RFPL1: variants seen among roughly 807,000 people sequenced by gnomAD.
RFPL1 encodes the protein ret finger protein-like 1.
A neutral mutation model predicts 9.6 loss-of-function variants in RFPL1; 6 were observed. The observed-to-expected ratio is 0.62, with a 90% CI of 0.34 to 1.23. The LOEUF (loss-of-function observed/expected upper bound fraction) is 1.23, where lower values mean the gene tolerates loss of function less well. RFPL1 is among the 50% of genes most tolerant of loss of function. RFPL1 has a pLI of 0.03. For synonymous variants in RFPL1, 145 were observed against 149.4 expected, an observed-to-expected ratio of 0.97 and a Z score of 0.22; for missense variants, 352 against 398.4, an observed-to-expected ratio of 0.88 and a Z score of 0.99.
chr22:29,439,064 G>A, exon 1 of RFPL1: 3 of 1,614,078 alleles, frequency 1.9e-6, no homozygotes, highest in Non-Finnish European at 2.5e-6. Context: ...ACAAAATCAG[G>A]CCCAGTTGGC....
chr22:29,406,120 AAAAAAAAAAAAAAAAAAAAAAAAAAAT>A, the RFPL1 span, among the ~76,000 whole-genome samples: 6 of 35,878 alleles, frequency 1.7e-4, no homozygotes, highest in Non-Finnish European at 1.4e-4. Flanking sequence ...CTTCTCAAAA[AAAAAAAAAAAAAAAAAAAAAAAAAAAT>A]AAAAAAAAAG....
chr22:29,429,359 G>A, the RFPL1 span, among the ~76,000 whole-genome samples: 1 of 152,120 alleles, frequency 6.6e-6, no homozygotes, highest in African/African-American at 2.4e-5. Flanking sequence ...CAGCCAAGAA[G>A]TTGATTTTTT....
chr22:29,406,121 A>C, the RFPL1 span, among the ~76,000 whole-genome samples: 1 of 38,720 alleles, frequency 2.6e-5, no homozygotes, highest in Non-Finnish European at 4.3e-5. Flanking sequence ...TTCTCAAAAA[A>C]AAAAAAAAAA....
the RFPL1 span, among the ~76,000 whole-genome samples, chr22:29,392,349 G>A: frequency 6.3e-5 from 9 of 141,914 alleles, no homozygotes; most frequent in African/African-American, 2.1e-4. Context: ...CACAGTGCTG[G>A]GATTATAGGC....
At chr22:29,413,743 G>C in the RFPL1 span, among the ~76,000 whole-genome samples, 4 of 152,052 alleles carry the variant, frequency 2.6e-5, no homozygotes, top group Admixed American at 2.6e-4. Context: ...TTGTCAAACA[G>C]CAGGTTAGCG....
chr22:29,406,250 G>A, the RFPL1 span, among the ~76,000 whole-genome samples: 1 of 128,050 alleles, frequency 7.8e-6, no homozygotes, highest in East Asian at 2.6e-4. Flanking sequence ...AGCCATACAC[G>A]CTCCCTCTCT....
At chr22:29,405,829 G>T in the RFPL1 span, among the ~76,000 whole-genome samples, 37 of 152,248 alleles carry the variant, frequency 2.4e-4, no homozygotes, top group East Asian at 7.1e-3. Context: ...ACACATCTCG[G>T]CCGGGCGCGG....
chr22:29,436,755 C>CA (rs1392183793), upstream of RFPL1: 1 of 151,824 alleles, frequency 6.6e-6, no homozygotes, highest in Non-Finnish European at 1.5e-5. Context: ...AAAAGTAAAC[C>CA]AAAACAAGAC....
chr22:29,403,935 A>G, the RFPL1 span, among the ~76,000 whole-genome samples: 1 of 152,244 alleles, frequency 6.6e-6, no homozygotes, highest in East Asian at 1.9e-4. Flanking sequence ...TCCCGAGGGT[A>G]TACTCCATAA....
At chr22:29,390,752 C>G in the RFPL1 span, among the ~76,000 whole-genome samples, 1 of 151,184 alleles carries the variant, frequency 6.6e-6, no homozygotes, top group African/African-American at 2.4e-5. Flanking sequence ...CCCGCCACCA[C>G]GCCCGGCTAA....
At chr22:29,438,475 G>A (rs192356019), upstream of RFPL1, 35 of 639,440 alleles carry the variant, frequency 5.5e-5, no homozygotes, top group African/African-American at 4.7e-4. Flanking sequence ...GAGCCACCAC[G>A]CCCGGCCTCC....
chr22:29,441,250 T>C (rs2062837287), intron 1 of RFPL1: 2 of 428,996 alleles, frequency 4.7e-6, no homozygotes. Flanking sequence ...AAGGGGGTCA[T>C]GGTGTCTGCC....
the RFPL1 span, among the ~76,000 whole-genome samples, chr22:29,408,441 A>G: frequency 6.6e-6 from 1 of 152,206 alleles, no homozygotes; most frequent in South Asian, 2.1e-4. Flanking sequence ...ATATCCCCCA[A>G]GGCTCCTTGT....
At chr22:29,442,149 A>C (rs779091613) in exon 2 of RFPL1, 1 of 1,495,376 alleles carries the variant, frequency 6.7e-7, no homozygotes, top group Non-Finnish European at 9.0e-7. Flanking sequence ...AACAAAAAAC[A>C]GGTTAAGAAA....
chr22:29,405,522 C>A, the RFPL1 span, among the ~76,000 whole-genome samples: 1 of 152,194 alleles, frequency 6.6e-6, no homozygotes, highest in Non-Finnish European at 1.5e-5. Context: ...AAGCCACCTG[C>A]CACCTCTCCA....
chr22:29,392,052 G>A, the RFPL1 span, among the ~76,000 whole-genome samples: 21 of 152,262 alleles, frequency 1.4e-4, no homozygotes, highest in African/African-American at 4.8e-4. Flanking sequence ...AGGGATGCCT[G>A]GACAAGTAGA....
the RFPL1 span, among the ~76,000 whole-genome samples, chr22:29,430,618 T>G: frequency 5.1e-4 from 77 of 152,264 alleles, no homozygotes; most frequent in African/African-American, 1.6e-3. Context: ...AAATGTGCAT[T>G]TTCACGATCT....
chr22:29,393,214 C>T, the RFPL1 span, among the ~76,000 whole-genome samples: 2 of 152,234 alleles, frequency 1.3e-5, no homozygotes, highest in South Asian at 2.1e-4. Flanking sequence ...CTGTGTGAAG[C>T]GCCTCTGCAT....
chr22:29,415,803 G>A, the RFPL1 span, among the ~76,000 whole-genome samples: 4 of 152,194 alleles, frequency 2.6e-5, no homozygotes, highest in East Asian at 1.9e-4. Flanking sequence ...CATGGGGTAC[G>A]TGACTAGGTG....
Sources: gnomAD v4.1 joint callset for allele counts (sites outside exome capture counted in the v4.1 genomes callset) on GRCh38, gnomAD v4.1.1 for gene constraint, MANE v1.5 for transcripts, NCBI Gene and HGNC (gene_info 2026-07-23, HGNC 2026-07-21) for gene names.